The following SLIT3 variants were observed in gnomAD, a reference collection of about 807,000 sequenced individuals.
The protein encoded by SLIT3 is slit guidance ligand 3, also known as slit homolog 3 protein.
SLIT3 carries 68 observed loss-of-function variants against 184.0 expected under a neutral mutation model. The observed-to-expected ratio is 0.37, with a 90% CI of 0.30 to 0.45. The LOEUF (loss-of-function observed/expected upper bound fraction) is 0.45. SLIT3 is among the 20% of genes least tolerant of loss of function. The pLI, the probability that SLIT3 is intolerant of heterozygous loss-of-function variation, is 1.00. For synonymous variants in SLIT3, 831 were observed against 828.6 expected (o/e 1.00, Z -0.05); for missense variants, 1,707 against 2,026.0 (o/e 0.84, Z 3.02).
chr5:168,691,067 C>G (rs1761891885), intron 29 of SLIT3, among the ~76,000 whole-genome samples: 2 of 152,210 alleles, frequency 1.3e-5, no homozygotes, highest in South Asian at 4.1e-4. Flanking sequence ...ACCCCAGCAA[C>G]AGAGCCAGAA....
At chr5:169,095,237 C>T (rs576728784) in intron 4 of SLIT3, among the ~76,000 whole-genome samples, 1 of 152,318 alleles carries the variant, frequency 6.6e-6, no homozygotes, top group South Asian at 2.1e-4. Context: ...CCGGGAAGCA[C>T]ATGTAAATTC....
At chr5:168,932,855 A>G (rs1234189977) in intron 4 of SLIT3, among the ~76,000 whole-genome samples, 2 of 152,258 alleles carry the variant, frequency 1.3e-5, no homozygotes, top group Non-Finnish European at 2.9e-5. Flanking sequence ...CTACAGCTGA[A>G]CATCGCACAA....
chr5:169,095,562 G>A (rs564820745), intron 4 of SLIT3, among the ~76,000 whole-genome samples: 5 of 152,328 alleles, frequency 3.3e-5, no homozygotes, highest in South Asian at 4.1e-4. Context: ...TCCAGCTTTT[G>A]TGTAAGTATC....
At chr5:169,031,027 T>C (rs762978052) in intron 4 of SLIT3, among the ~76,000 whole-genome samples, 6 of 152,154 alleles carry the variant, frequency 3.9e-5, no homozygotes, top group Non-Finnish European at 7.4e-5. Context: ...CTCTCCTGAA[T>C]AGCAACTTAG....
intron 4 of SLIT3, among the ~76,000 whole-genome samples, chr5:169,063,040 TGGTGCATTTG>T (rs1414882339): frequency 1.3e-5 from 2 of 152,258 alleles, no homozygotes; most frequent in East Asian, 1.9e-4. Flanking sequence ...ATGTACCTGT[TGGTGCATTTG>T]GGTGCATTTG....
At chr5:168,742,321 C>T (rs1763660781) in intron 20 of SLIT3, among the ~76,000 whole-genome samples, 1 of 151,566 alleles carries the variant, frequency 6.6e-6, no homozygotes, top group East Asian at 1.9e-4. Context: ...TATCTGCACC[C>T]ATTTCAGACT....
chr5:169,267,321 T>C (rs1188560944), intron 1 of SLIT3, among the ~76,000 whole-genome samples: 1 of 152,180 alleles, frequency 6.6e-6, no homozygotes, highest in East Asian at 1.9e-4. Flanking sequence ...CAGAGAATTT[T>C]AGTAACATAC....
At chr5:168,975,895 T>C (rs1202466564) in intron 4 of SLIT3, among the ~76,000 whole-genome samples, 3 of 152,164 alleles carry the variant, frequency 2.0e-5, no homozygotes, top group Non-Finnish European at 4.4e-5. Context: ...ACCCATCTCC[T>C]GCAAGAGGAA....
At chr5:169,237,217 G>A (rs777450603) in intron 3 of SLIT3, among the ~76,000 whole-genome samples, 8 of 152,174 alleles carry the variant, frequency 5.3e-5, no homozygotes, top group Non-Finnish European at 7.4e-5. Flanking sequence ...ATTCCATCCC[G>A]GGATACCCCA....
At chr5:168,693,874 G>C (rs1402143233) in intron 28 of SLIT3, among the ~76,000 whole-genome samples, 1 of 152,132 alleles carries the variant, frequency 6.6e-6, no homozygotes, top group Non-Finnish European at 1.5e-5. Context: ...ACCACAGAAG[G>C]CACTATGTTC....
At chr5:168,734,267 C>G (rs112806738) in intron 20 of SLIT3, among the ~76,000 whole-genome samples, 7 of 152,306 alleles carry the variant, frequency 4.6e-5, no homozygotes, top group African/African-American at 1.4e-4. Flanking sequence ...ACCAAACAAC[C>G]GAGCACCACA....
rs916468752 is a variant in SLIT3 at position 169,084,440 on chromosome 5, G to A, written c.413+109039C>T. Among the ~76,000 whole-genome samples, 9 of 148,004 alleles carry A rather than the reference G, an allele frequency of 6.1e-5. No individual in the cohort carries two copies. The South Asian group carries it at 6.5e-4, about 11-fold the overall frequency. On this transcript the variant is annotated intron_variant, in intron 4 of 35. Coordinates refer to ENST00000519560, the MANE Select transcript of SLIT3 (RefSeq NM_003062.4). ...CAAGTAGCTTGGATTACAGGCATGC[G>A]CCACCATGCCCAGATTTTTTTTTTT...
intron 5 of SLIT3, among the ~76,000 whole-genome samples, chr5:168,873,789 A>G (rs1759627624): frequency 6.6e-6 from 1 of 152,070 alleles, no homozygotes. Flanking sequence ...TCACATAGGT[A>G]GTGAGAGGCA....
chr5:169,038,512 G>A (rs191975056), intron 4 of SLIT3, among the ~76,000 whole-genome samples: 45 of 152,300 alleles, frequency 3.0e-4, no homozygotes, highest in Non-Finnish European at 5.9e-4. Context: ...AAGTGCATTA[G>A]GTAACGAGTT....
chr5:168,924,088 G>A (rs768098885), intron 4 of SLIT3, among the ~76,000 whole-genome samples: 1 of 152,186 alleles, frequency 6.6e-6, no homozygotes, highest in Non-Finnish European at 1.5e-5. Context: ...GTCTGTACCC[G>A]GGTCCACAAG....
At chr5:169,092,203 A>T (rs1759616068) in intron 4 of SLIT3, among the ~76,000 whole-genome samples, 1 of 152,180 alleles carries the variant, frequency 6.6e-6, no homozygotes, top group Admixed American at 6.5e-5. Context: ...AGTCTGGGTG[A>T]CAAGAGTGAA....
chr5:168,691,648 G>A (rs185137345), intron 29 of SLIT3, among the ~76,000 whole-genome samples: 2 of 152,294 alleles, frequency 1.3e-5, no homozygotes, highest in East Asian at 3.9e-4. Flanking sequence ...TAACATCCTG[G>A]GGTCTCTCCA....
At chr5:169,042,991 C>T (rs989342966) in intron 4 of SLIT3, among the ~76,000 whole-genome samples, 1 of 152,186 alleles carries the variant, frequency 6.6e-6, no homozygotes, top group Non-Finnish European at 1.5e-5. Context: ...TTTTGAAATA[C>T]ATCCATTATT....
At position 168,666,653 on chromosome 5, in the gene SLIT3, A is replaced by C; in HGVS notation, c.4373T>G (p.Ile1458Ser). Residue 1458 changes from isoleucine (I) to serine (S), a missense_variant, in exon 36 of 36, where the codon ATC becomes AGC. Ile to Ser is a moderately radical substitution (Grantham distance 142). Coordinates refer to ENST00000519560, the MANE Select transcript of SLIT3 (RefSeq NM_003062.4). ...TGATGCATAACCTTTCTGGCGGCGG[A>C]TCACCTCTCGGACTACTTGTCCCAG... ...PCLGQVVREVIRRQKGYASCA... is the reference protein window; with the variant it reads ...PCLGQVVREVSRRQKGYASCA... 12 of 1,614,146 alleles carry C rather than the reference A, an allele frequency of 7.4e-6. No individual in the cohort carries two copies. The highest frequency in any genetic ancestry group is 1.0e-5 in the Non-Finnish European group (12 of 1,180,028).
Sources: allele counts gnomAD v4.1 joint callset (sites outside exome capture counted in the v4.1 genomes callset), GRCh38; gene constraint gnomAD v4.1.1; transcripts MANE v1.5; gene names NCBI Gene and HGNC (gene_info 2026-07-23, HGNC 2026-07-21).